Variants in EXOC3L4 observed in about 807,000 individuals in gnomAD.
EXOC3L4 encodes the protein exocyst complex component 3 like 4.
In EXOC3L4, 62 loss-of-function variants were observed where a neutral mutation model predicts 69.7. The observed-to-expected ratio is 0.89, with a 90% CI of 0.72 to 1.10. EXOC3L4 has a LOEUF of 1.10. Among genes scored for constraint, EXOC3L4 ranks in the 50% least tolerant of loss-of-function variants. The probability of loss-of-function intolerance (pLI) is 0.00; values close to 1 mark genes in which losing one functional copy is unlikely to be tolerated. For synonymous variants in EXOC3L4, 502 were observed against 464.2 expected, an observed-to-expected ratio of 1.08 and a Z score of -1.05; for missense variants, 1,087 against 1,034.8, an observed-to-expected ratio of 1.05 and a Z score of -0.69.
intron 2 of EXOC3L4, 121 bp downstream of exon 2, chr14:103,100,734 T>A: frequency 7.9e-7 from 1 of 1,262,614 alleles, no homozygotes; most frequent in Non-Finnish European, 1.1e-6. Flanking sequence ...CCCGAACATG[T>A]GCAATTCTTT....
At position 103,107,383 on chromosome 14, in the gene EXOC3L4, C is replaced by T. The variant is rs372497346; in HGVS notation, c.1582-41C>T. The T allele has an allele frequency of 5.0e-6, 8 of 1,596,170 alleles. No individual in the cohort carries two copies. In the Admixed American group the frequency reaches 6.7e-5, roughly 13 times the overall value. On this transcript the variant is annotated intron_variant, in intron 8 of 11. Coordinates refer to ENST00000688303, the MANE Select transcript of EXOC3L4 (RefSeq NM_001077594.2). ...TTCGAGGGAGGGGTTACGTTGCGGG[C>T]GTAGTGCACATTTGCAGACTCCCAG...
chr14:103,104,096 G>A (rs1271062624), intron 4 of EXOC3L4, 44 bp downstream of exon 4: 2 of 1,494,586 alleles, frequency 1.3e-6, no homozygotes, highest in Non-Finnish European at 1.8e-6. Context: ...GCTGGAGGGG[G>A]CGGGCCCTGG....
chr14:103,109,772 C>T (rs991550211), intron 11 of EXOC3L4, among the ~76,000 whole-genome samples: 2 of 148,542 alleles, frequency 1.3e-5, no homozygotes, highest in East Asian at 2.0e-4. Context: ...TCTCCCTCCA[C>T]GCCTTTGCGT....
chr14:103,095,324 T>C (rs11621573), intron 1 of EXOC3L4, among the ~76,000 whole-genome samples: 97,741 of 152,194 alleles, frequency 0.64, 34,543 homozygotes, highest in Non-Finnish European at 0.81. Flanking sequence ...GCGGGTCTCC[T>C]GGTCTCCAGG....
At chr14:103,103,368 A>AAAAAAAAAAAG (rs1358354757) in intron 3 of EXOC3L4, among the ~76,000 whole-genome samples, 9 of 146,116 alleles carry the variant, frequency 6.2e-5, no homozygotes, top group Non-Finnish European at 1.2e-4. Flanking sequence ...AAAAAAAAAA[A>AAAAAAAAAAAG]AAAGAAAGAA....
intron 5 of EXOC3L4, 123 bp from the exon 6 acceptor site, chr14:103,104,615 C>G: frequency 8.1e-7 from 1 of 1,234,510 alleles, no homozygotes; most frequent in Non-Finnish European, 1.1e-6. Flanking sequence ...CGGCTGAAAG[C>G]TGGAGGGGCC....
At chr14:103,105,107 GGCCAGCAGGGGGCGCGCGAGC>G (rs753573132) in intron 7 of EXOC3L4, 35 bp downstream of exon 7, 1 of 1,571,102 alleles carries the variant, frequency 6.4e-7, no homozygotes, top group Admixed American at 1.9e-5. Flanking sequence ...GGCGCAGCGT[GGCCAGCAGGGGGCGCGCGAGC>G]GCCGGGAACC....
rs1180006342 is a variant in EXOC3L4, at chr14:103,097,609, C to A, written c.-16-2595C>A. On this transcript the variant is annotated intron_variant, in intron 1 of 11. Transcript: ENST00000688303. The surrounding 1 kb of genome is among the most constrained non-coding windows in gnomAD (Gnocchi z 4.9). ...GCTTCCAGGCTGTGCTCAGGGGTGA[C>A]CGGGGTAGATGGACAGAGGCTGCCA... Among the ~76,000 whole-genome samples, 1 of 152,104 alleles carries A rather than the reference C, an allele frequency of 6.6e-6. No individual in the cohort carries two copies. The highest frequency in any genetic ancestry group is 1.5e-5 in the Non-Finnish European group (1 of 68,024).
In EXOC3L4 at chr14:103,108,405, G is replaced by A; in HGVS notation, c.1864G>A (p.Ala622Thr). ...SDTFQGLGSEATWLDQAIQCV... is the reference protein window; with the variant it reads ...SDTFQGLGSETTWLDQAIQCV... ...TGGCTCTGTCTCGCAGGGTTCCGAG[G>A]CCACATGGTTGGACCAAGCCATCCA... The change falls in exon 11 of 12, where the codon GCC (alanine) becomes ACC (threonine). Residue 622 changes from alanine (A) to threonine (T), a missense_variant. Ala to Thr is a moderately conservative substitution (Grantham distance 58, BLOSUM62 0). Coordinates refer to ENST00000688303, the MANE Select transcript of EXOC3L4 (RefSeq NM_001077594.2). 6.2e-7 allele frequency: 1 copy of A among 1,613,686 alleles called. No individual in the cohort carries two copies. The highest frequency in any genetic ancestry group is 8.5e-7 in the Non-Finnish European group (1 of 1,179,744).
Position 103,100,405 on chromosome 14 carries a change from G to T in EXOC3L4, c.186G>T (p.Gln62His), listed in dbSNP as rs1483956178. ...GGCAGGCCTTCTCCCGGGCCAGCCA[G>T]CGGGCTTTGACCCAGGTCTCCAAGG... ...SLRQAFSRAS[Q>H]RALTQVSKED... The change falls in exon 2 of 12, where the codon CAG (glutamine) becomes CAT (histidine). Residue 62 changes from glutamine to histidine, a missense_variant. Transcript: ENST00000688303. The T allele has an allele frequency of 4.3e-6, 7 of 1,612,106 alleles. No individual in the cohort carries two copies. Among genetic ancestry groups the T allele is most frequent in the South Asian group, 1.1e-5 (1 of 90,668 alleles).
chr14:103,102,872 TTCCC>T lies in EXOC3L4; in HGVS notation c.1049+106_1049+109del. The T allele has an allele frequency of 4.4e-6, 5 of 1,145,754 alleles. No homozygotes were observed. The South Asian group carries it at 1.1e-4, about 24-fold the overall frequency. 71.0% of individuals were successfully genotyped at this position (1,145,754 alleles called of 1,614,324 possible). ...AGGAGCACCGGACCTTTCTTCTCTGTTCCCTCCCTGGGAGAGGGCTGAGAGCCGA... is the reference window on the plus strand; with the variant it reads ...AGGAGCACCGGACCTTTCTTCTCTGTTCCCTGGGAGAGGGCTGAGAGCCGA... On this transcript the variant is annotated intron_variant, in intron 3 of 11. Transcript: ENST00000688303.
At chr14:103,103,804 G>A in intron 3 of EXOC3L4, 137 bp from the exon 4 acceptor site, 1 of 579,714 alleles carries the variant, frequency 1.7e-6, no homozygotes, top group Non-Finnish European at 3.0e-6. Flanking sequence ...GCGCGTGTGT[G>A]TGTGTGTGTG....
In EXOC3L4 at chr14:103,104,752, C is replaced by G; in HGVS notation, c.1299C>G (p.His433Gln). The change falls in exon 6 of 12, where the codon CAC becomes CAG. Residue 433 changes from histidine to glutamine, a missense_variant. By Grantham distance (24) the His-to-Gln change is conservative. Coordinates refer to ENST00000688303, the MANE Select transcript of EXOC3L4 (RefSeq NM_001077594.2). Reference protein sequence around the residue: ...SMDVHMLVAEHVKAAGAISAE... With the variant: ...SMDVHMLVAEQVKAAGAISAE... ...TTCGCTCGCAGCTCGTGGCCGAGCA[C>G]GTGAAGGCGGCCGGCGCCATCTCCG... 6.6e-7 allele frequency: 1 copy of G among 1,516,484 alleles called. No homozygotes were observed. The highest frequency in any genetic ancestry group is 1.2e-5 in the South Asian group (1 of 82,134). The allele number at this position is 1,516,484 out of a possible 1,614,324, so 93.9% of individuals were successfully genotyped here. A position where few individuals can be genotyped will look rare whatever the true frequency, so the allele number is the denominator to read the frequency against.
Position 103,102,371 on chromosome 14 carries a change from C to T in EXOC3L4, c.648C>T (p.Arg216=), listed in dbSNP as rs1438364800. Residue 216 remains arginine (R), a synonymous_variant, in exon 3 of 12, where the codon CGC becomes CGT. Transcript: ENST00000688303. ...VDAAALAELA[R]VVSAEEEAHP... ...CGGCCGCGCTGGCCGAGCTGGCCCGCGTGGTGAGCGCGGAGGAGGAAGCCC... is the reference window on the plus strand; with the variant it reads ...CGGCCGCGCTGGCCGAGCTGGCCCGTGTGGTGAGCGCGGAGGAGGAAGCCC... 6.4e-7 allele frequency: 1 copy of T among 1,560,992 alleles called. No homozygotes were observed. The highest frequency in any genetic ancestry group is 8.6e-7 in the Non-Finnish European group (1 of 1,160,388).
chr14:103,106,615 T>C (rs1890562861), intron 7 of EXOC3L4, among the ~76,000 whole-genome samples, 170 bp from the exon 8 acceptor site: 1 of 152,200 alleles, frequency 6.6e-6, no homozygotes, highest in South Asian at 2.1e-4. Flanking sequence ...ACTGGCTCCC[T>C]GGGCTTCTGT....
rs1239417720 is a variant in EXOC3L4, at chr14:103,107,855, C to T, written c.1854+72C>T. ...GTGGTGGCAGTGACTAGGGCCTTAG[C>T]GCCGGGAGGGCTTTTGGCAGGAGTG... is the stretch of plus-strand genomic sequence containing the variant. On this transcript the variant is annotated intron_variant, in intron 10 of 11. Coordinates refer to ENST00000688303, the MANE Select transcript of EXOC3L4 (RefSeq NM_001077594.2). The T allele has an allele frequency of 1.5e-5, 22 of 1,447,144 alleles. No homozygotes were observed. In the East Asian group the frequency reaches 3.8e-4, roughly 25 times the overall value. The allele number at this position is 1,447,144 out of a possible 1,614,324, so 89.6% of individuals were successfully genotyped here. A position where few individuals can be genotyped will look rare whatever the true frequency, so the allele number is the denominator to read the frequency against.
chr14:103,100,902 ATTTT>A (rs34995113), intron 2 of EXOC3L4, among the ~76,000 whole-genome samples: 2 of 131,422 alleles, frequency 1.5e-5, no homozygotes, highest in East Asian at 2.3e-4. Flanking sequence ...CACCCGGCTA[ATTTT>A]TTTTTTTTTT....
At chr14:103,109,817 G>C (rs1890819147) in intron 11 of EXOC3L4, among the ~76,000 whole-genome samples, 1 of 149,632 alleles carries the variant, frequency 6.7e-6, no homozygotes, top group African/African-American at 2.5e-5. Flanking sequence ...CCTCTCCTGT[G>C]CCCCTTCAAG....
Position 103,102,638 on chromosome 14 carries a change from C to T in EXOC3L4, c.915C>T (p.Gly305=). Residue 305 remains glycine (G), a synonymous_variant, in exon 3 of 12, where the codon GGC becomes GGT. Coordinates refer to ENST00000688303, the MANE Select transcript of EXOC3L4 (RefSeq NM_001077594.2). ...QEVQPAYAAA[G]FPAWEVYLRA... is the part of the protein sequence containing the mutation. ...TGCAGCCCGCGTATGCGGCGGCCGG[C>T]TTCCCAGCGTGGGAGGTCTATCTGC... The T allele has an allele frequency of 2.0e-6, 3 of 1,499,704 alleles. No individual in the cohort carries two copies. Among genetic ancestry groups the T allele is most frequent in the Non-Finnish European group, 1.8e-6 (2 of 1,129,926 alleles). 92.9% of individuals were successfully genotyped at this position (1,499,704 alleles called of 1,614,324 possible).
Sources: allele counts gnomAD v4.1 joint callset (sites outside exome capture counted in the v4.1 genomes callset), GRCh38; gene constraint gnomAD v4.1.1; non-coding constraint Gnocchi (gnomAD v3.1); transcripts MANE v1.5; gene names NCBI Gene and HGNC (gene_info 2026-07-23, HGNC 2026-07-21).